Variants in PCDHB8 observed in about 807,000 individuals in gnomAD.
PCDHB8 encodes the protein protocadherin beta 8, also known as protocadherin beta-8.
For synonymous variants in PCDHB8, 385 were observed against 448.5 expected (o/e 0.86, Z 1.79); for missense variants, 836 against 1,004.0 (o/e 0.83, Z 2.26).
rs1753453543 is a variant in PCDHB8 at position 141,178,844 on chromosome 5, A to G, written c.810A>G (p.Val270=). 1 of 1,614,168 alleles carries G rather than the reference A, an allele frequency of 6.2e-7. No homozygotes were observed. Among genetic ancestry groups the G allele is most frequent in the African/African-American group, 1.3e-5 (1 of 74,954 alleles). Reference sequence around the variant, plus strand: ...TTGTGAAGGTCTCTGCCACGGATGTAGACACAGGAGTCAACGGAGAGATTT... The same window carrying G: ...TTGTGAAGGTCTCTGCCACGGATGTGGACACAGGAGTCAACGGAGAGATTT... ...FLVVKVSATD[V]DTGVNGEISY... The change falls in exon 1 of 1, where the codon GTA becomes GTG. Residue 270 remains valine (V), a synonymous_variant. Transcript: ENST00000239444.
chr5:141,178,957 T>C lies in PCDHB8; in HGVS notation c.923T>C (p.Leu308Pro), dbSNP rs782393773. The change falls in exon 1 of 1, where the codon CTT becomes CCT. Residue 308 changes from leucine (L) to proline (P), a missense_variant. Physicochemically the swap from Leu to Pro is moderately conservative, Grantham distance 98. Transcript: ENST00000239444. ...LTGEIRLKKQ[L>P]DFEKFQSYEV... is the part of the protein sequence containing the mutation. ...GGAGAAATTCGACTAAAGAAACAAC[T>C]TGATTTCGAAAAATTTCAGTCCTAT... 1 of 1,614,230 alleles carries C rather than the reference T, an allele frequency of 6.2e-7. No homozygotes were observed. The highest frequency in any genetic ancestry group is 1.1e-5 in the South Asian group (1 of 91,082).
chr5:141,179,632 G>T lies in PCDHB8; in HGVS notation c.1598G>T (p.Gly533Val). The T allele has an allele frequency of 6.2e-7, 1 of 1,613,062 alleles. No individual in the cohort carries two copies. The highest frequency in any genetic ancestry group is 1.3e-5 in the African/African-American group (1 of 75,028). Residue 533 changes from glycine (G) to valine (V), a missense_variant, in exon 1 of 1, where the codon GGC (glycine) becomes GTC (valine). Gly to Val is a moderately radical substitution (Grantham distance 109). Coordinates refer to ENST00000239444, the MANE Select transcript of PCDHB8 (RefSeq NM_019120.5). ...CTGCAGGCGTTCGAGTTCCGGGTGG[G>T]CGCTTCAGACCGCGGCTCCCCGGCT... The part of the protein sequence containing the change: ...EALQAFEFRV[G>V]ASDRGSPALS...
In PCDHB8 at chr5:141,178,767, C is replaced by T. The variant is rs201000379; in HGVS notation, c.733C>T (p.Gln245Ter). 1.2e-6 allele frequency: 2 copies of T among 1,613,828 alleles called. No individual in the cohort carries two copies. Among genetic ancestry groups the T allele is most frequent in the Non-Finnish European group, 1.7e-6 (2 of 1,179,922 alleles). ...DVNDNAPEFE[Q>*]PFYRVQISED... is the part of the protein sequence containing the mutation. Reference sequence around the variant, plus strand: ...CAATGATAATGCCCCTGAATTTGAGCAGCCTTTCTATAGGGTGCAGATCTC... The same window carrying T: ...CAATGATAATGCCCCTGAATTTGAGTAGCCTTTCTATAGGGTGCAGATCTC... Residue 245 changes from glutamine (Q) to a stop codon, truncating the protein, a stop_gained, in exon 1 of 1, where the codon CAG becomes TAG. Coordinates refer to ENST00000239444, the MANE Select transcript of PCDHB8 (RefSeq NM_019120.5). LOFTEE classifies it low-confidence loss of function (END_TRUNC).
At position 141,179,505 on chromosome 5, in the gene PCDHB8, C is replaced by T. The variant is rs1320628165; in HGVS notation, c.1471C>T (p.Leu491=). 5.6e-6 allele frequency: 9 copies of T among 1,613,568 alleles called. No individual in the cohort carries two copies. The African/African-American group carries it at 1.2e-4, about 22-fold the overall frequency. The change falls in exon 1 of 1, where the codon CTG becomes TTG. Residue 491 remains leucine (L), a synonymous_variant. Coordinates refer to ENST00000239444, the MANE Select transcript of PCDHB8 (RefSeq NM_019120.5). ...CACCAACGCCCAGGTCACCTACTCGCTGCTGCCGCCCCAGGATCCGCACCT... is the reference window on the plus strand; with the variant it reads ...CACCAACGCCCAGGTCACCTACTCGTTGCTGCCGCCCCAGGATCCGCACCT... The part of the protein sequence containing the change: ...SGTNAQVTYS[L]LPPQDPHLPL...
At position 141,179,668 on chromosome 5, in the gene PCDHB8, A is replaced by G. The variant is rs1441867586; in HGVS notation, c.1634A>G (p.Glu545Gly). Residue 545 changes from glutamate (E) to glycine (G), a missense_variant, in exon 1 of 1, where the codon GAG becomes GGG. By Grantham distance (98) the Glu-to-Gly change is moderately conservative. Transcript: ENST00000239444. Reference protein sequence around the residue: ...SDRGSPALSSEALVRVLVLDA... With the variant: ...SDRGSPALSSGALVRVLVLDA... ...CGCGGCTCCCCGGCTTTGAGCAGCG[A>G]GGCGCTGGTGCGCGTGCTGGTGCTG... 4 of 1,612,402 alleles carry G rather than the reference A, an allele frequency of 2.5e-6. No homozygotes were observed. The African/African-American group carries it at 4.0e-5, about 16-fold the overall frequency.
In PCDHB8 at chr5:141,178,813, T is replaced by G. The variant is rs782353518; in HGVS notation, c.779T>G (p.Phe260Cys). ...VQISEDSPIS[F>C]LVVKVSATDV... The stretch of plus-strand genomic sequence containing the variant: ...ATCTCTGAGGACAGTCCAATAAGCT[T>G]CCTGGTTGTGAAGGTCTCTGCCACG... The change falls in exon 1 of 1, where the codon TTC becomes TGC. Residue 260 changes from phenylalanine (F) to cysteine (C), a missense_variant. Phe to Cys is a radical substitution (Grantham distance 205). Coordinates refer to ENST00000239444, the MANE Select transcript of PCDHB8 (RefSeq NM_019120.5). 1 of 1,614,016 alleles carries G rather than the reference T, an allele frequency of 6.2e-7. No individual in the cohort carries two copies. The highest frequency in any genetic ancestry group is 1.3e-5 in the African/African-American group (1 of 74,964).
Position 141,179,072 on chromosome 5 carries a change from A to G in PCDHB8, c.1038A>G (p.Pro346=), listed in dbSNP as rs782423402. 2 of 1,614,256 alleles carry G rather than the reference A, an allele frequency of 1.2e-6. No homozygotes were observed. The highest frequency in any genetic ancestry group is 2.2e-5 in the South Asian group (2 of 91,088). Residue 346 remains proline (P), a synonymous_variant, in exon 1 of 1, where the codon CCA becomes CCG. Transcript: ENST00000239444. The stretch of plus-strand genomic sequence containing the variant: ...TGATAGATGTGAACGACCATGCCCC[A>G]GAAGTTACCATGTCTGCATTTACCA... ...IQVIDVNDHA[P]EVTMSAFTSP...
At position 141,180,364 on chromosome 5, in the gene PCDHB8, G is replaced by A. The variant is rs1554281714; in HGVS notation, c.2330G>A (p.Gly777Asp). The A allele has an allele frequency of 1.2e-6, 2 of 1,613,588 alleles. No individual in the cohort carries two copies. Among genetic ancestry groups the A allele is most frequent in the South Asian group, 1.1e-5 (1 of 91,048 alleles). Residue 777 changes from glycine (G) to aspartate (D), a missense_variant, in exon 1 of 1, where the codon GGC (glycine) becomes GAC (aspartate). Gly to Asp is a moderately conservative substitution (Grantham distance 94). Coordinates refer to ENST00000239444, the MANE Select transcript of PCDHB8 (RefSeq NM_019120.5). ...LLKPVLPNIQGHSFGPEMEQN... is the reference protein window; with the variant it reads ...LLKPVLPNIQDHSFGPEMEQN... ...AAACCAGTATTACCTAATATTCAGG[G>A]CCATTCTTTTGGGCCAGAAATGGAA...
chr5:141,179,224 C>T lies in PCDHB8; in HGVS notation c.1190C>T (p.Ser397Phe), dbSNP rs1554281127. The part of the protein sequence containing the change: ...QEDLPFLLKS[S>F]VGNFYTLLTE... Reference sequence around the variant, plus strand: ...GATCTACCCTTCCTCCTGAAATCTTCTGTGGGGAACTTTTACACCCTACTA... The same window carrying T: ...GATCTACCCTTCCTCCTGAAATCTTTTGTGGGGAACTTTTACACCCTACTA... The change falls in exon 1 of 1, where the codon TCT becomes TTT. Residue 397 changes from serine to phenylalanine, a missense_variant. Ser to Phe is a radical substitution (Grantham distance 155). Transcript: ENST00000239444. 1.2e-6 allele frequency: 2 copies of T among 1,614,206 alleles called. No individual in the cohort carries two copies. The highest frequency in any genetic ancestry group is 3.3e-5 in the Admixed American group (2 of 60,020).
chr5:141,180,222 G>T lies in PCDHB8; in HGVS notation c.2188G>T (p.Glu730Ter). ...CTCGGTGGGTCGCTGCTCAGTGCCT[G>T]AGGGCCCCTTTCCAGGGCATCTGGT... ...AASVGRCSVP[E>*]GPFPGHLVDV... Residue 730 changes from glutamate (E) to a stop codon, truncating the protein, a stop_gained, in exon 1 of 1, where the codon GAG (glutamate) becomes TAG (stop). Transcript: ENST00000239444. LOFTEE classifies it low-confidence loss of function (END_TRUNC). The T allele has an allele frequency of 6.2e-7, 1 of 1,613,140 alleles. No individual in the cohort carries two copies.
Position 141,179,852 on chromosome 5 carries a change from G to T in PCDHB8, c.1818G>T (p.Gln606His). The T allele has an allele frequency of 6.2e-7, 1 of 1,610,120 alleles. No individual in the cohort carries two copies. Among genetic ancestry groups the T allele is most frequent in the Non-Finnish European group, 8.5e-7 (1 of 1,179,668 alleles). The change falls in exon 1 of 1, where the codon CAG becomes CAT. Residue 606 changes from glutamine to histidine, a missense_variant. Physicochemically the swap from Gln to His is conservative, Grantham distance 24. Transcript: ENST00000239444. ...GCCAGAACGCCTGGCTGTCGTACCA[G>T]CTGCTCAAGGCCACGGAGCCCGGGC... Reference protein sequence around the residue: ...DSGQNAWLSYQLLKATEPGLF... With the variant: ...DSGQNAWLSYHLLKATEPGLF...
At position 141,178,862 on chromosome 5, in the gene PCDHB8, A is replaced by C; in HGVS notation, c.828A>C (p.Gly276=). Residue 276 remains glycine, a synonymous_variant, in exon 1 of 1, where the codon GGA becomes GGC. Coordinates refer to ENST00000239444, the MANE Select transcript of PCDHB8 (RefSeq NM_019120.5). Reference sequence around the variant, plus strand: ...CGGATGTAGACACAGGAGTCAACGGAGAGATTTCCTATTCACTTTTCCAAG... The same window carrying C: ...CGGATGTAGACACAGGAGTCAACGGCGAGATTTCCTATTCACTTTTCCAAG... ...SATDVDTGVN[G]EISYSLFQAS... is the part of the protein sequence containing the mutation. 1 of 1,614,282 alleles carries C rather than the reference A, an allele frequency of 6.2e-7. No homozygotes were observed. The highest frequency in any genetic ancestry group is 1.3e-5 in the African/African-American group (1 of 75,078).
chr5:141,180,125 G>T lies in PCDHB8; in HGVS notation c.2091G>T (p.Ser697=), dbSNP rs147123510. ...LTVYLVVALA[S]VSSLFLFSVL... ...TCTACCTGGTGGTGGCGTTGGCCTCGGTGTCTTCGCTCTTCCTCTTCTCGG... is the reference window on the plus strand; with the variant it reads ...TCTACCTGGTGGTGGCGTTGGCCTCTGTGTCTTCGCTCTTCCTCTTCTCGG... Residue 697 remains serine, a synonymous_variant, in exon 1 of 1, where the codon TCG becomes TCT. Coordinates refer to ENST00000239444, the MANE Select transcript of PCDHB8 (RefSeq NM_019120.5). 6.2e-6 allele frequency: 10 copies of T among 1,610,978 alleles called. No individual in the cohort carries two copies. Among genetic ancestry groups the T allele is most frequent in the Non-Finnish European group, 8.5e-6 (10 of 1,179,834 alleles).
rs200714038 is a variant in PCDHB8, at chr5:141,180,227, C to A, written c.2193C>A (p.Gly731=). 9 of 1,613,386 alleles carry A rather than the reference C, an allele frequency of 5.6e-6. No homozygotes were observed. The highest frequency in any genetic ancestry group is 7.6e-6 in the Non-Finnish European group (9 of 1,179,994). The part of the protein sequence containing the change: ...ASVGRCSVPE[G]PFPGHLVDVR... ...TGGGTCGCTGCTCAGTGCCTGAGGG[C>A]CCCTTTCCAGGGCATCTGGTGGACG... The change falls in exon 1 of 1, where the codon GGC becomes GGA. Residue 731 remains glycine, a synonymous_variant. Coordinates refer to ENST00000239444, the MANE Select transcript of PCDHB8 (RefSeq NM_019120.5).
rs377688984 is a variant in PCDHB8 at position 141,179,944 on chromosome 5, C to T, written c.1910C>T (p.Ala637Val). The change falls in exon 1 of 1, where the codon GCC (alanine) becomes GTC (valine). Residue 637 changes from alanine to valine, a missense_variant. Coordinates refer to ENST00000239444, the MANE Select transcript of PCDHB8 (RefSeq NM_019120.5). ...AGGCTGCTGAGCGAGCGCGACGCGG[C>T]CAAGCAGAGGCTGGTGGTGCTGGTC... is the stretch of plus-strand genomic sequence containing the variant. ...TARLLSERDA[A>V]KQRLVVLVKD... is the part of the protein sequence containing the mutation. 3 of 1,608,704 alleles carry T rather than the reference C, an allele frequency of 1.9e-6. No homozygotes were observed. The highest frequency in any genetic ancestry group is 1.7e-6 in the Non-Finnish European group (2 of 1,179,586).
Position 141,177,935 on chromosome 5 carries a change from C to T in PCDHB8, c.-100C>T, listed in dbSNP as rs1753418490. Reference sequence around the variant, plus strand: ...TCCTCTGGAGAGGACTACTCACTGGCATATTTCTGAGGTATCTGTAGAAAA... The same window carrying T: ...TCCTCTGGAGAGGACTACTCACTGGTATATTTCTGAGGTATCTGTAGAAAA... On this transcript the variant is annotated 5_prime_UTR_variant, in exon 1 of 1. Transcript: ENST00000239444. The T allele has an allele frequency of 1.9e-6, 3 of 1,539,388 alleles. No homozygotes were observed. In the East Asian group the frequency reaches 6.8e-5, roughly 35 times the overall value.
Position 141,180,534 on chromosome 5 carries a change from C to T in PCDHB8, c.*94C>T, listed in dbSNP as rs1753538236. On this transcript the variant is annotated 3_prime_UTR_variant, in exon 1 of 1. Coordinates refer to ENST00000239444, the MANE Select transcript of PCDHB8 (RefSeq NM_019120.5). ...TAAATTTTAAATTACACTACATTTG[C>T]CCATAGTATTTGTCTTGTTTTCACT... 9.2e-6 allele frequency: 9 copies of T among 976,824 alleles called. No individual in the cohort carries two copies. In the South Asian group the frequency reaches 1.1e-4, roughly 12 times the overall value. The allele number at this position is 976,824 out of a possible 1,614,324, so 60.5% of individuals were successfully genotyped here.
Position 141,180,527 on chromosome 5 carries a change from A to G in PCDHB8, c.*87A>G, listed in dbSNP as rs1308751828. 3.0e-6 allele frequency: 3 copies of G among 1,010,220 alleles called. No homozygotes were observed. The highest frequency in any genetic ancestry group is 2.7e-5 in the East Asian group (1 of 37,072). 62.6% of individuals were successfully genotyped at this position (1,010,220 alleles called of 1,614,324 possible). Reference sequence around the variant, plus strand: ...CTTAGCATAAATTTTAAATTACACTACATTTGCCCATAGTATTTGTCTTGT... The same window carrying G: ...CTTAGCATAAATTTTAAATTACACTGCATTTGCCCATAGTATTTGTCTTGT... On this transcript the variant is annotated 3_prime_UTR_variant, in exon 1 of 1. Transcript: ENST00000239444.
rs781903237 is a variant in PCDHB8 at position 141,179,257 on chromosome 5, C to G, written c.1223C>G (p.Thr408Arg). 5 of 1,614,096 alleles carry G rather than the reference C, an allele frequency of 3.1e-6. No homozygotes were observed. The African/African-American group carries it at 5.3e-5, about 17-fold the overall frequency. Reference sequence around the variant, plus strand: ...AACTTTTACACCCTACTAACAGAGACACCACTAGACAGAGAAAGCAGAGCC... The same window carrying G: ...AACTTTTACACCCTACTAACAGAGAGACCACTAGACAGAGAAAGCAGAGCC... ...VGNFYTLLTE[T>R]PLDRESRAEY... The change falls in exon 1 of 1, where the codon ACA becomes AGA. Residue 408 changes from threonine to arginine, a missense_variant. Transcript: ENST00000239444.
Sources: gnomAD v4.1 joint callset for allele counts on GRCh38, gnomAD v4.1.1 for gene constraint, MANE v1.5 for transcripts, NCBI Gene and HGNC (gene_info 2026-07-23, HGNC 2026-07-21) for gene names.